OR8G5: variants seen among roughly 807,000 people sequenced by gnomAD.
OR8G5 encodes the protein olfactory receptor 8G5.
For missense variants in OR8G5, 347 were observed against 371.9 expected (o/e 0.93, Z 0.55); for synonymous variants, 147 against 147.7 (o/e 1.00, Z 0.03).
At position 124,266,152 on chromosome 11, in the gene OR8G5, T is replaced by C. The variant is rs1180858581; in HGVS notation, c.*285T>C. ...TGCCAGTTACATTCCCTTCCCCCTT[T>C]TCTTTCATGTAATTGATTAAAACAT... On this transcript the variant is annotated 3_prime_UTR_variant, in exon 2 of 2. Coordinates refer to ENST00000641992, the MANE Select transcript of OR8G5 (RefSeq NM_001005198.2). 1.3e-5 allele frequency: 4 copies of C among 315,136 alleles called. No homozygotes were observed. The Admixed American group carries it at 1.9e-4, about 15-fold the overall frequency. 19.5% of individuals were successfully genotyped at this position (315,136 alleles called of 1,614,324 possible). A position where few individuals can be genotyped will look rare whatever the true frequency, so the allele number is the denominator to read the frequency against.
At chr11:124,263,134 C>T (rs888962678) in intron 1 of OR8G5, among the ~76,000 whole-genome samples, 1 of 151,988 alleles carries the variant, frequency 6.6e-6, no homozygotes, top group Non-Finnish European at 1.5e-5. Context: ...TGTGAGATAG[C>T]TCTTCTGATA....
chr11:124,260,596 A>C (rs1210484571), intron 1 of OR8G5, among the ~76,000 whole-genome samples: 1 of 151,828 alleles, frequency 6.6e-6, no homozygotes, highest in Non-Finnish European at 1.5e-5. Context: ...ATTATGTTAA[A>C]TCTATACATA....
chr11:124,259,296 A>C (rs1043940866), intron 1 of OR8G5, among the ~76,000 whole-genome samples: 1 of 152,206 alleles, frequency 6.6e-6, no homozygotes, highest in Non-Finnish European at 1.5e-5. Flanking sequence ...AGTTGAAAAA[A>C]ATTTGAAATT....
chr11:124,264,066 C>A lies in OR8G5; in HGVS notation c.-14-852C>A, dbSNP rs554537313. ...TTCTTACTATCTTCCCATTTTTACA[C>A]GCTTAATAGACATTAACAACATAAG... On this transcript the variant is annotated intron_variant, in intron 1 of 1. Coordinates refer to ENST00000641992, the MANE Select transcript of OR8G5 (RefSeq NM_001005198.2). Among the ~76,000 whole-genome samples, 13 of 152,158 alleles carry A rather than the reference C, an allele frequency of 8.5e-5. No individual in the cohort carries two copies. In the South Asian group the frequency reaches 2.5e-3, roughly 29 times the overall value.
intron 1 of OR8G5, among the ~76,000 whole-genome samples, chr11:124,257,670 C>T (rs1044431258): frequency 1.3e-5 from 2 of 152,112 alleles, no homozygotes; most frequent in African/African-American, 2.4e-5. Context: ...GGTGATGACT[C>T]CCAGTCTCTT....
In OR8G5 at chr11:124,265,769, A is replaced by G. The variant is rs1555053451; in HGVS notation, c.838A>G (p.Ile280Val). 7.4e-6 allele frequency: 12 copies of G among 1,614,008 alleles called. No individual in the cohort carries two copies. In the South Asian group the frequency reaches 1.1e-4, roughly 15 times the overall value. ...GAAAGTGTCCTCTGTGTTTTATACT[A>G]TTGTTGTGCCCATGCTGAACCCCCT... ...QGKVSSVFYT[I>V]VVPMLNPLIY... The change falls in exon 2 of 2, where the codon ATT becomes GTT. Residue 280 changes from isoleucine to valine, a missense_variant. By Grantham distance (29) the Ile-to-Val change is conservative. Coordinates refer to ENST00000641992, the MANE Select transcript of OR8G5 (RefSeq NM_001005198.2).
chr11:124,260,395 A>ATC (rs1254941509), intron 1 of OR8G5, among the ~76,000 whole-genome samples: 2 of 152,016 alleles, frequency 1.3e-5, no homozygotes, highest in African/African-American at 2.4e-5. Context: ...TCAGAAAAAA[A>ATC]TAACTAATAG....
At chr11:124,261,817 A>G (rs1016219218) in intron 1 of OR8G5, among the ~76,000 whole-genome samples, 6 of 151,994 alleles carry the variant, frequency 3.9e-5, no homozygotes, top group African/African-American at 1.2e-4. Flanking sequence ...AATAACTTCA[A>G]TGATTCAGAG....
Position 124,266,001 on chromosome 11 carries a change from T to TA in OR8G5, c.*135dup. 3 of 1,098,816 alleles carry TA rather than the reference T, an allele frequency of 2.7e-6. No individual in the cohort carries two copies. The highest frequency in any genetic ancestry group is 3.8e-6 in the Non-Finnish European group (3 of 789,774). 68.1% of individuals were successfully genotyped at this position (1,098,816 alleles called of 1,614,324 possible). ...GGGGGATTTTACTGACGTTATGTCTTATGCACATGGTCTATTTCATGCCAT... is the reference window on the plus strand; with the variant it reads ...GGGGGATTTTACTGACGTTATGTCTTAATGCACATGGTCTATTTCATGCCAT... On this transcript the variant is annotated 3_prime_UTR_variant, in exon 2 of 2. Transcript: ENST00000641992.
intron 1 of OR8G5, 104 bp downstream of exon 1, chr11:124,256,738 TAATC>T (rs1305432875): frequency 6.6e-5 from 10 of 152,196 alleles, no homozygotes; most frequent in African/African-American, 2.4e-4. Flanking sequence ...TTCATTCATT[TAATC>T]AATCATTTAT....
chr11:124,265,500 C>A lies in OR8G5; in HGVS notation c.569C>A (p.Ser190Tyr). Residue 190 changes from serine (S) to tyrosine (Y), a missense_variant, in exon 2 of 2, where the codon TCT (serine) becomes TAT (tyrosine). By Grantham distance (144) the Ser-to-Tyr change is moderately radical. Transcript: ENST00000641992. ...DLISILKLSC[S>Y]STYINELLIL... ...ATTTCTATCTTGAAGCTCTCCTGTT[C>A]TAGTACTTACATTAATGAGTTACTG... 6.2e-7 allele frequency: 1 copy of A among 1,613,954 alleles called. No homozygotes were observed. Among genetic ancestry groups the A allele is most frequent in the Non-Finnish European group, 8.5e-7 (1 of 1,179,850 alleles).
At chr11:124,260,534 A>G (rs1245835506) in intron 1 of OR8G5, among the ~76,000 whole-genome samples, 1 of 151,836 alleles carries the variant, frequency 6.6e-6, no homozygotes, top group Admixed American at 6.6e-5. Flanking sequence ...ACATATTGAT[A>G]TATTTTTTAA....
In OR8G5 at chr11:124,265,230, A is replaced by G. The variant is rs769595072; in HGVS notation, c.299A>G (p.Gln100Arg). 2 of 1,614,028 alleles carry G rather than the reference A, an allele frequency of 1.2e-6. No individual in the cohort carries two copies. The highest frequency in any genetic ancestry group is 1.7e-6 in the Non-Finnish European group (2 of 1,179,900). ...ATCTCCTACCCTGAATGCATGACTC[A>G]GCTCTACTTCTTCCTCGTTTTTGCT... ...NIISYPECMT[Q>R]LYFFLVFAIA... The change falls in exon 2 of 2, where the codon CAG (glutamine) becomes CGG (arginine). Residue 100 changes from glutamine to arginine, a missense_variant. Physicochemically the swap from Gln to Arg is conservative, Grantham distance 43 (BLOSUM62 1). Coordinates refer to ENST00000641992, the MANE Select transcript of OR8G5 (RefSeq NM_001005198.2).
At position 124,261,045 on chromosome 11, in the gene OR8G5, G is replaced by A. The variant is rs1000135627; in HGVS notation, c.-14-3873G>A. 2.0e-5 allele frequency among the ~76,000 whole-genome samples: 3 copies of A among 151,608 alleles called. No individual in the cohort carries two copies. The South Asian group carries it at 6.2e-4, about 32-fold the overall frequency. On this transcript the variant is annotated intron_variant, in intron 1 of 1. Transcript: ENST00000641992. The stretch of plus-strand genomic sequence containing the variant: ...TATCTCCATGAGATCAGCTTTTTTA[G>A]CTTCCACGTATGAGTAAGAATATAA...
intron 1 of OR8G5, among the ~76,000 whole-genome samples, chr11:124,258,152 T>A (rs1338272525): frequency 3.3e-5 from 5 of 152,202 alleles, no homozygotes; most frequent in Admixed American, 3.3e-4. Flanking sequence ...TCTCTTTTGT[T>A]TCTCTTTCAA....
At chr11:124,262,191 C>A (rs1172242493) in intron 1 of OR8G5, among the ~76,000 whole-genome samples, 1 of 151,184 alleles carries the variant, frequency 6.6e-6, no homozygotes, top group Non-Finnish European at 1.5e-5. Flanking sequence ...TTAAAATCAA[C>A]AGAGTAAAAA....
intron 1 of OR8G5, among the ~76,000 whole-genome samples, chr11:124,264,499 A>G (rs1356565190): frequency 6.6e-6 from 1 of 152,218 alleles, no homozygotes; most frequent in Non-Finnish European, 1.5e-5. Context: ...GACAATAATA[A>G]GATTTCTGTT....
chr11:124,263,156 G>A (rs1461247228), intron 1 of OR8G5, among the ~76,000 whole-genome samples: 1 of 151,984 alleles, frequency 6.6e-6, no homozygotes, highest in Non-Finnish European at 1.5e-5. Context: ...TTCACTAGTA[G>A]TTAATATTTG....
Position 124,265,472 on chromosome 11 carries a change from C to G in OR8G5, c.541C>G (p.Leu181Val). Residue 181 changes from leucine (L) to valine (V), a missense_variant, in exon 2 of 2, where the codon CTT becomes GTT. By Grantham distance (32) the Leu-to-Val change is conservative. Coordinates refer to ENST00000641992, the MANE Select transcript of OR8G5 (RefSeq NM_001005198.2). ...FDVINHYFCDLISILKLSCSS... is the reference protein window; with the variant it reads ...FDVINHYFCDVISILKLSCSS... ...TGTGATCAACCATTATTTCTGTGAT[C>G]TTATTTCTATCTTGAAGCTCTCCTG... 6.2e-7 allele frequency: 1 copy of G among 1,613,988 alleles called. No homozygotes were observed. Among genetic ancestry groups the G allele is most frequent in the Non-Finnish European group, 8.5e-7 (1 of 1,179,882 alleles).
Sources: gnomAD v4.1 joint callset for allele counts (sites outside exome capture counted in the v4.1 genomes callset) on GRCh38, gnomAD v4.1.1 for gene constraint, MANE v1.5 for transcripts, NCBI Gene and HGNC (gene_info 2026-07-23, HGNC 2026-07-21) for gene names.